Variants in ATXN7L1 observed in about 807,000 individuals in gnomAD.
ATXN7L1 encodes the protein ataxin 7 like 1.
ATXN7L1 carries 15 observed loss-of-function variants against 70.8 expected under a neutral mutation model. That is an observed-to-expected ratio of 0.21 (90% CI 0.14 to 0.33). ATXN7L1 has a LOEUF of 0.33. ATXN7L1 is among the 10% of genes least tolerant of loss of function. The pLI is 1.00. For synonymous variants in ATXN7L1, 440 were observed against 445.1 expected (o/e 0.99, Z 0.14); for missense variants, 975 against 1,097.1 (o/e 0.89, Z 1.57).
At chr7:105,635,809 G>T (rs1797264720) in intron 7 of ATXN7L1, among the ~76,000 whole-genome samples, 1 of 150,964 alleles carries the variant, frequency 6.6e-6, no homozygotes, top group Non-Finnish European at 1.5e-5. Flanking sequence ...TCACAAGTGG[G>T]AGGGGATGAC....
chr7:105,756,058 A>G (rs1044632195), intron 3 of ATXN7L1, among the ~76,000 whole-genome samples: 1 of 152,094 alleles, frequency 6.6e-6, no homozygotes, highest in African/African-American at 2.4e-5. Flanking sequence ...CAGAGGCTGC[A>G]TTTCAGTCCT....
chr7:105,639,398 C>T, intron 6 of ATXN7L1, 89 bp downstream of exon 6: 1 of 1,050,446 alleles, frequency 9.5e-7, no homozygotes, highest in Admixed American at 2.1e-5. Context: ...CGAGGTTCCA[C>T]ACCCTGCCGT....
intron 4 of ATXN7L1, among the ~76,000 whole-genome samples, chr7:105,656,848 G>T (rs956700882): frequency 6.6e-6 from 1 of 152,156 alleles, no homozygotes; most frequent in Non-Finnish European, 1.5e-5. Context: ...AATTACAGGC[G>T]TGAGCCACCA....
intron 3 of ATXN7L1, among the ~76,000 whole-genome samples, chr7:105,740,956 G>A (rs1797960398): frequency 6.6e-6 from 1 of 151,742 alleles, no homozygotes; most frequent in African/African-American, 2.4e-5. Context: ...AGTAGAGATG[G>A]GTTTTCACCA....
chr7:105,707,054 T>C (rs974275518), intron 3 of ATXN7L1, among the ~76,000 whole-genome samples: 8 of 152,240 alleles, frequency 5.3e-5, no homozygotes, highest in Non-Finnish European at 1.0e-4. Context: ...CATTTAGCAC[T>C]TCTACTCCGA....
intron 2 of ATXN7L1, among the ~76,000 whole-genome samples, chr7:105,813,845 CATT>C (rs1275303702): frequency 6.6e-6 from 1 of 152,110 alleles, no homozygotes; most frequent in Non-Finnish European, 1.5e-5. Context: ...CCTAGGATGT[CATT>C]ATCTGAACCT....
At chr7:105,861,690 C>T (rs958339279) in intron 2 of ATXN7L1, among the ~76,000 whole-genome samples, 1 of 152,170 alleles carries the variant, frequency 6.6e-6, no homozygotes, top group African/African-American at 2.4e-5. Flanking sequence ...GGGGTGTGAA[C>T]AGGAGCCAGG....
chr7:105,770,445 G>C (rs1046250318), intron 3 of ATXN7L1, among the ~76,000 whole-genome samples: 1 of 152,172 alleles, frequency 6.6e-6, no homozygotes, highest in Admixed American at 6.5e-5. Context: ...TTAAAAGCTT[G>C]TCTTAAACAT....
chr7:105,782,534 G>A (rs1331510015), intron 3 of ATXN7L1, among the ~76,000 whole-genome samples: 1 of 152,198 alleles, frequency 6.6e-6, no homozygotes, highest in Non-Finnish European at 1.5e-5. Context: ...CCCCAGCAGT[G>A]GTTGCACCTG....
intron 3 of ATXN7L1, among the ~76,000 whole-genome samples, chr7:105,685,267 G>C (rs530128551): frequency 6.6e-4 from 100 of 152,210 alleles, no homozygotes; most frequent in African/African-American, 2.3e-3. Flanking sequence ...GCGCTATAGC[G>C]AAGAGTCAAT....
At chr7:105,718,325 C>A (rs2116291958) in intron 3 of ATXN7L1, among the ~76,000 whole-genome samples, 1 of 152,258 alleles carries the variant, frequency 6.6e-6, no homozygotes, top group African/African-American at 2.4e-5. Context: ...AGAATTGGAG[C>A]CAGCAAGTAA....
At chr7:105,746,736 A>G (rs1342755246) in intron 3 of ATXN7L1, among the ~76,000 whole-genome samples, 1 of 152,204 alleles carries the variant, frequency 6.6e-6, no homozygotes, top group East Asian at 1.9e-4. Flanking sequence ...TTAGTACTGT[A>G]TTTACTAGAT....
At chr7:105,796,302 C>T (rs943462086) in intron 2 of ATXN7L1, among the ~76,000 whole-genome samples, 3 of 152,178 alleles carry the variant, frequency 2.0e-5, no homozygotes, top group African/African-American at 7.2e-5. Context: ...GCGGAGCTTG[C>T]AGTGAACAGA....
Position 105,654,711 on chromosome 7 carries a change from T to C in ATXN7L1, c.578+10355A>G, listed in dbSNP as rs10272440. Among the ~76,000 whole-genome samples the C allele has an allele frequency of 2.2e-3, 342 of 152,126 alleles. 3 individuals carry two copies. The highest frequency in any genetic ancestry group is 8.1e-3 in the African/African-American group (335 of 41,484). ...AGCTATGAAGGACCATGGTTACTAA[T>C]CTCTGTGGCTCATCCCTCTTCTTTC... On this transcript the variant is annotated intron_variant, in intron 4 of 11. Transcript: ENST00000419735.
At chr7:105,608,651 C>T (rs1792892278) in intron 11 of ATXN7L1, among the ~76,000 whole-genome samples, 1 of 152,144 alleles carries the variant, frequency 6.6e-6, no homozygotes, top group Non-Finnish European at 1.5e-5. Context: ...ATAAATGTGC[C>T]TTCCCACCCC....
At chr7:105,750,134 A>C (rs1160389969) in intron 3 of ATXN7L1, among the ~76,000 whole-genome samples, 1 of 151,898 alleles carries the variant, frequency 6.6e-6, no homozygotes, top group Non-Finnish European at 1.5e-5. Flanking sequence ...AAAGAAGCTG[A>C]GACTGAAAAG....
chr7:105,757,286 A>G (rs1799920955), intron 3 of ATXN7L1, among the ~76,000 whole-genome samples: 1 of 152,180 alleles, frequency 6.6e-6, no homozygotes, highest in South Asian at 2.1e-4. Context: ...TAGGGAGGGA[A>G]AAGATAATCA....
At chr7:105,690,961 T>A (rs761468532) in intron 3 of ATXN7L1, among the ~76,000 whole-genome samples, 7 of 152,212 alleles carry the variant, frequency 4.6e-5, no homozygotes, top group Non-Finnish European at 7.3e-5. Context: ...AGATAAAGCA[T>A]GAGCCCATAT....
intron 3 of ATXN7L1, among the ~76,000 whole-genome samples, chr7:105,698,725 T>A (rs1290751766): frequency 6.6e-6 from 1 of 152,138 alleles, no homozygotes; most frequent in Non-Finnish European, 1.5e-5. Flanking sequence ...GCATTACAGT[T>A]TGAAAGATGA....
Sources: gnomAD v4.1 joint callset for allele counts (sites outside exome capture counted in the v4.1 genomes callset) on GRCh38, gnomAD v4.1.1 for gene constraint, MANE v1.5 for transcripts, NCBI Gene and HGNC (gene_info 2026-07-23, HGNC 2026-07-21) for gene names.